Variants in ERBB4 observed in about 807,000 individuals in gnomAD.
ERBB4 encodes the protein receptor tyrosine-protein kinase erbB-4.
In ERBB4, 42 loss-of-function variants were observed where a neutral mutation model predicts 158.0. The ratio of observed to expected loss-of-function variants is 0.27; its 90% CI spans 0.21 to 0.34. ERBB4 has a LOEUF of 0.34. Ranked by LOEUF, ERBB4 falls within the 10% of genes least tolerant of loss-of-function variation. The probability of loss-of-function intolerance (pLI) is 1.00; values close to 1 mark genes in which losing one functional copy is unlikely to be tolerated. For missense variants in ERBB4, 1,333 were observed against 1,624.1 expected, an observed-to-expected ratio of 0.82 and a Z score of 3.08; for synonymous variants, 583 against 558.7, an observed-to-expected ratio of 1.04 and a Z score of -0.61.
At chr2:211,573,630 A>G (rs939233733) in intron 19 of ERBB4, among the ~76,000 whole-genome samples, 1 of 152,202 alleles carries the variant, frequency 6.6e-6, no homozygotes, top group Non-Finnish European at 1.5e-5. Context: ...AGATGGTGTC[A>G]CTGCACTCCA....
intron 3 of ERBB4, among the ~76,000 whole-genome samples, chr2:211,943,106 T>C (rs754733217): frequency 1.2e-4 from 18 of 152,102 alleles, no homozygotes; most frequent in Non-Finnish European, 1.3e-4. Context: ...AAAGATTCCT[T>C]TATATCTACA....
chr2:212,309,211 A>G (rs2086927786), intron 1 of ERBB4, among the ~76,000 whole-genome samples: 1 of 150,940 alleles, frequency 6.6e-6, no homozygotes, highest in African/African-American at 2.4e-5. Flanking sequence ...TGAGAACCAG[A>G]CTATTTACGT....
chr2:212,359,045 G>T (rs13421333), intron 1 of ERBB4, among the ~76,000 whole-genome samples: 307 of 151,756 alleles, frequency 2.0e-3, no homozygotes, highest in Admixed American at 4.8e-3. Flanking sequence ...TAGAAATGCA[G>T]AGGATGAGGG....
At chr2:211,659,588 A>G (rs928340088) in intron 15 of ERBB4, among the ~76,000 whole-genome samples, 1 of 152,134 alleles carries the variant, frequency 6.6e-6, no homozygotes, top group Non-Finnish European at 1.5e-5. Flanking sequence ...CTAAAAAGCT[A>G]TGGCTAGTTT....
chr2:212,203,065 GTCA>G (rs2082634493), intron 1 of ERBB4, among the ~76,000 whole-genome samples: 1 of 151,918 alleles, frequency 6.6e-6, no homozygotes, highest in Non-Finnish European at 1.5e-5. Context: ...AAGTGAACGA[GTCA>G]GAAATCTGTC....
chr2:211,388,215 A>T (rs1388644030), intron 25 of ERBB4, among the ~76,000 whole-genome samples: 2 of 152,202 alleles, frequency 1.3e-5, no homozygotes, highest in East Asian at 3.8e-4. Flanking sequence ...TCAATCCCTG[A>T]AAAGGAAAAT....
chr2:211,778,175 G>A (rs2075935173), intron 4 of ERBB4: 1 of 152,174 alleles, frequency 6.6e-6, no homozygotes. Flanking sequence ...AATCACTTCA[G>A]GGCTGGTGAA....
At chr2:211,694,315 G>T (rs532064584) in intron 12 of ERBB4, among the ~76,000 whole-genome samples, 2 of 152,178 alleles carry the variant, frequency 1.3e-5, no homozygotes, top group African/African-American at 4.8e-5. Flanking sequence ...AGGCAAGTCA[G>T]GTTAAAATAT....
intron 3 of ERBB4, among the ~76,000 whole-genome samples, chr2:211,944,206 A>ATATATATATATATATAG (rs371912701): frequency 0.08 from 8,280 of 103,832 alleles, 725 homozygotes; most frequent in East Asian, 0.36. Flanking sequence ...TATACTATAT[A>ATATATATATATATATAG]TATATATACA....
intron 1 of ERBB4, among the ~76,000 whole-genome samples, chr2:212,274,477 T>C (rs2085454181): frequency 6.6e-6 from 1 of 151,850 alleles, no homozygotes; most frequent in Non-Finnish European, 1.5e-5. Context: ...TAGGTGGCTA[T>C]TCACATCACT....
chr2:211,518,206 T>G (rs1405156846), intron 20 of ERBB4, among the ~76,000 whole-genome samples: 2 of 152,040 alleles, frequency 1.3e-5, no homozygotes, highest in African/African-American at 2.4e-5. Context: ...GGGTAAAAAT[T>G]CTCCCAACTT....
At chr2:212,530,655 T>C (rs566055511) in intron 1 of ERBB4, among the ~76,000 whole-genome samples, 2 of 152,150 alleles carry the variant, frequency 1.3e-5, no homozygotes, top group Admixed American at 1.3e-4. Flanking sequence ...TAACCAGCCA[T>C]GAGATAACCC....
intron 1 of ERBB4, among the ~76,000 whole-genome samples, chr2:212,460,979 A>G (rs959494949): frequency 6.6e-6 from 1 of 152,178 alleles, no homozygotes; most frequent in Admixed American, 6.6e-5. Context: ...GGTGCCATGC[A>G]TTTCAGCTGC....
chr2:212,127,343 A>T (rs1324079814), intron 1 of ERBB4, among the ~76,000 whole-genome samples: 2 of 152,238 alleles, frequency 1.3e-5, no homozygotes, highest in Non-Finnish European at 2.9e-5. Context: ...CTGTAATCCC[A>T]GCACTTTGGG....
At chr2:211,683,740 G>GA (rs1218875067) in intron 12 of ERBB4, among the ~76,000 whole-genome samples, 1 of 102,726 alleles carries the variant, frequency 9.7e-6, no homozygotes, top group Admixed American at 9.7e-5. Flanking sequence ...ACTTTAGTCA[G>GA]GGTTTTTTTT....
At position 212,137,805 on chromosome 2, in the gene ERBB4, T is replaced by G. The variant is rs187475388; in HGVS notation, c.83-12902A>C. On this transcript the variant is annotated intron_variant, in intron 1 of 27. Coordinates refer to ENST00000342788, the MANE Select transcript of ERBB4 (RefSeq NM_005235.3). The stretch of plus-strand genomic sequence containing the variant: ...ACTCCCACCAACAGTGTATAAGCAC[T>G]CCTCCTGCTGAGCACCAAAAGAAAC... Among the ~76,000 whole-genome samples the G allele has an allele frequency of 7.2e-5, 11 of 152,152 alleles. No homozygotes were observed. The East Asian group carries it at 1.7e-3, about 24-fold the overall frequency.
intron 2 of ERBB4, among the ~76,000 whole-genome samples, chr2:211,975,356 T>C (rs567345501): frequency 6.6e-6 from 1 of 152,304 alleles, no homozygotes; most frequent in African/African-American, 2.4e-5. Flanking sequence ...GTCCAATCAA[T>C]CCTGACCTGA....
At chr2:211,845,668 T>C (rs2077571001) in intron 3 of ERBB4, among the ~76,000 whole-genome samples, 1 of 152,160 alleles carries the variant, frequency 6.6e-6, no homozygotes. Flanking sequence ...CATCCAACTT[T>C]TGTAATGGTT....
chr2:212,408,781 T>G (rs1471613555), intron 1 of ERBB4, among the ~76,000 whole-genome samples: 1 of 152,194 alleles, frequency 6.6e-6, no homozygotes. Context: ...GATTCCAGTA[T>G]GCAGCACAGA....
Sources: allele counts gnomAD v4.1 joint callset (sites outside exome capture counted in the v4.1 genomes callset), GRCh38; gene constraint gnomAD v4.1.1; transcripts MANE v1.5; gene names NCBI Gene and HGNC (gene_info 2026-07-23, HGNC 2026-07-21).